Variants in METTL22 observed in about 807,000 individuals in gnomAD.
METTL22 encodes methyltransferase 22, Kin17 lysine.
In METTL22, 51 loss-of-function variants were observed where a neutral mutation model predicts 48.4. The observed-to-expected ratio is 1.05, with a 90% confidence interval of 0.84 to 1.33. The LOEUF (loss-of-function observed/expected upper bound fraction) is 1.33. METTL22 is among the 40% of genes most tolerant of loss of function. METTL22 has a pLI of 0.00. For missense variants in METTL22, 678 were observed against 526.9 expected, an observed-to-expected ratio of 1.29 and a Z score of -2.81; for synonymous variants, 255 against 214.1, an observed-to-expected ratio of 1.19 and a Z score of -1.67.
At chr16:8,629,199 C>T in intron 3 of METTL22, 89 bp downstream of exon 3, 6 of 1,507,240 alleles carry the variant, frequency 4.0e-6, no homozygotes, top group Non-Finnish European at 5.3e-6. Flanking sequence ...AGCGTGGACT[C>T]TGCAGGCCCA....
intron 2 of METTL22, among the ~76,000 whole-genome samples, chr16:8,626,071 AC>A (rs1158036523): frequency 6.6e-6 from 1 of 152,124 alleles, no homozygotes; most frequent in African/African-American, 2.4e-5. Context: ...GTCATGGCTC[AC>A]TGCAGCCTCA....
chr16:8,625,187 A>T (rs2056003122), intron 1 of METTL22, among the ~76,000 whole-genome samples: 1 of 152,170 alleles, frequency 6.6e-6, no homozygotes. Flanking sequence ...AAATGTCATG[A>T]TGTCTACAAT....
At chr16:8,655,112 T>A in the METTL22 span, among the ~76,000 whole-genome samples, 1 of 152,228 alleles carries the variant, frequency 6.6e-6, no homozygotes, top group Non-Finnish European at 1.5e-5. Context: ...ATTTGCTGCA[T>A]GACAAAATAC....
chr16:8,665,111 A>T, the METTL22 span, among the ~76,000 whole-genome samples: 2 of 149,864 alleles, frequency 1.3e-5, no homozygotes, highest in Non-Finnish European at 3.0e-5. Context: ...CCTGGGCAAC[A>T]TGGTGAAACC....
the METTL22 span, among the ~76,000 whole-genome samples, chr16:8,660,576 C>A: frequency 6.6e-6 from 1 of 151,630 alleles, no homozygotes; most frequent in Non-Finnish European, 1.5e-5. Context: ...GTGCCTAGGC[C>A]CTCATTAGTA....
chr16:8,649,942 G>C (rs900676327), downstream of METTL22, among the ~76,000 whole-genome samples: 2 of 152,222 alleles, frequency 1.3e-5, no homozygotes, highest in African/African-American at 4.8e-5. Flanking sequence ...TGATGCTGCA[G>C]TTTAACAAGC....
chr16:8,641,368 C>T (rs777401844), intron 7 of METTL22, 184 bp downstream of exon 7: 171 of 690,006 alleles, frequency 2.5e-4, no homozygotes, highest in Non-Finnish European at 3.5e-4. Context: ...GCGCCTGCTG[C>T]ATGCTGGGCA....
downstream of METTL22, among the ~76,000 whole-genome samples, chr16:8,652,182 G>A (rs1213888687): frequency 6.6e-6 from 1 of 152,114 alleles, no homozygotes; most frequent in African/African-American, 2.4e-5. Flanking sequence ...ATGTAGGCCG[G>A]GCGCGGTGGC....
the METTL22 span, chr16:8,666,970 A>G: frequency 6.6e-6 from 1 of 151,138 alleles, no homozygotes; most frequent in African/African-American, 2.4e-5. Context: ...TGTTTTTTGT[A>G]TTTTTAGTAG....
chr16:8,650,228 T>G (rs1641082), downstream of METTL22, among the ~76,000 whole-genome samples: 150,451 of 152,354 alleles, frequency 0.99, 74,320 homozygotes, highest in Middle Eastern at 1. Context: ...GGAGGCTGGG[T>G]CGGGAGCATC....
At chr16:8,638,699 C>A (rs543187310) in intron 5 of METTL22, among the ~76,000 whole-genome samples, 2 of 152,304 alleles carry the variant, frequency 1.3e-5, no homozygotes, top group South Asian at 4.1e-4. Context: ...CCAACTCTTG[C>A]TCTCAATAGC....
intron 10 of METTL22, chr16:8,645,864 C>G: frequency 4.8e-6 from 6 of 1,262,274 alleles, no homozygotes; most frequent in Non-Finnish European, 6.1e-6. Flanking sequence ...TGTTTGACAT[C>G]CTCTGATGCA....
intron 2 of METTL22, among the ~76,000 whole-genome samples, chr16:8,626,867 C>T (rs974953693): frequency 7.2e-6 from 1 of 138,814 alleles, no homozygotes; most frequent in African/African-American, 2.7e-5. Context: ...CCCGGGTTCA[C>T]GCCATTCTCC....
At chr16:8,658,765 C>G in the METTL22 span, among the ~76,000 whole-genome samples, 1 of 152,224 alleles carries the variant, frequency 6.6e-6, no homozygotes, top group African/African-American at 2.4e-5. Flanking sequence ...CGTCAAGGCT[C>G]TACTGTAGAC....
At chr16:8,642,300 G>A in intron 8 of METTL22, 93 bp downstream of exon 8, 2 of 1,313,354 alleles carry the variant, frequency 1.5e-6, no homozygotes, top group Non-Finnish European at 2.2e-6. Flanking sequence ...TTCAGTTTTA[G>A]AAGTGACTTT....
chr16:8,626,916 G>C (rs1044943490), intron 2 of METTL22, among the ~76,000 whole-genome samples: 6 of 151,788 alleles, frequency 4.0e-5, no homozygotes, highest in Non-Finnish European at 8.8e-5. Flanking sequence ...ACAGGCACCC[G>C]CCACCACGCC....
At chr16:8,624,714 A>T (rs1008271948) in intron 1 of METTL22, among the ~76,000 whole-genome samples, 3 of 152,170 alleles carry the variant, frequency 2.0e-5, no homozygotes, top group Non-Finnish European at 4.4e-5. Flanking sequence ...AAAAAAAAAA[A>T]ATTTAATGCC....
intron 2 of METTL22, among the ~76,000 whole-genome samples, chr16:8,627,360 A>T (rs2056096677): frequency 6.6e-6 from 1 of 151,994 alleles, no homozygotes; most frequent in Non-Finnish European, 1.5e-5. Context: ...TCTGTCCCTC[A>T]AACACAGGGA....
chr16:8,645,922 T>C (rs1421810208), intron 10 of METTL22, 186 bp from the exon 11 acceptor site: 2 of 958,282 alleles, frequency 2.1e-6, no homozygotes, highest in African/African-American at 5.2e-5. Context: ...TCTGCCACAG[T>C]AAAATAGAAC....
Sources: allele counts gnomAD v4.1 joint callset (sites outside exome capture counted in the v4.1 genomes callset), GRCh38; gene constraint gnomAD v4.1.1; transcripts MANE v1.5; gene names NCBI Gene and HGNC (gene_info 2026-07-23, HGNC 2026-07-21).